Variants in PLCH1 observed in about 807,000 individuals in gnomAD.
PLCH1 encodes the protein phospholipase C eta 1, also known as 1-phosphatidylinositol 4,5-bisphosphate phosphodiesterase eta-1.
Under a neutral mutation model 126.7 loss-of-function variants are expected in PLCH1, and 60 were observed. That is an observed-to-expected ratio of 0.47 (90% CI 0.38 to 0.59). PLCH1 has a LOEUF of 0.59. Among genes scored for constraint, PLCH1 ranks in the 20% least tolerant of loss-of-function variants. The pLI is 0.00. For missense variants in PLCH1, 1,723 were observed against 2,040.0 expected (o/e 0.84, Z 2.99); for synonymous variants, 719 against 734.9 (o/e 0.98, Z 0.35).
intron 1 of PLCH1, among the ~76,000 whole-genome samples, chr3:155,710,834 C>CAAA (rs35396005): frequency 1.9e-5 from 2 of 104,420 alleles, no homozygotes; most frequent in Non-Finnish European, 4.2e-5. Context: ...AACTCTGTCT[C>CAAA]AAAAAAAAAA....
intron 6 of PLCH1, among the ~76,000 whole-genome samples, chr3:155,571,053 T>A (rs145812299): frequency 1.5e-3 from 225 of 152,296 alleles, no homozygotes; most frequent in African/African-American, 5.2e-3. Flanking sequence ...AAACTAGTCA[T>A]AGATCTATAA....
intron 2 of PLCH1, among the ~76,000 whole-genome samples, chr3:155,688,789 C>G (rs1745150166): frequency 6.6e-6 from 1 of 152,172 alleles, no homozygotes; most frequent in African/African-American, 2.4e-5. Flanking sequence ...TAGCGGGTGG[C>G]CACAGAGAAA....
At chr3:155,476,675 G>C (rs147587918), downstream of PLCH1, among the ~76,000 whole-genome samples, 600 of 151,780 alleles carry the variant, frequency 4.0e-3, 6 homozygotes, top group Middle Eastern at 0.017. Context: ...AAAAATTAAA[G>C]TAATCCTATT....
At chr3:155,530,436 C>G (rs1722520220) in intron 10 of PLCH1, among the ~76,000 whole-genome samples, 1 of 151,858 alleles carries the variant, frequency 6.6e-6, no homozygotes, top group Non-Finnish European at 1.5e-5. Flanking sequence ...CCTGCCTCAG[C>G]CTCCTGAGTA....
rs902341279 is a variant in PLCH1, at chr3:155,470,047, T to C, written c.2938+15309A>G. Among the ~76,000 whole-genome samples the C allele has an allele frequency of 2.1e-3, 313 of 152,196 alleles. 3 individuals are homozygous for C. The highest frequency in any genetic ancestry group is 2.0e-3 in the Non-Finnish European group (137 of 68,018). ...TCCTCCTCCAAAGGAACGCAGTTCC[T>C]CACCAGCAACGGAACAAAGCTGGAT... On this transcript the variant is annotated intron_variant, in intron 21 of 21. Transcript: ENST00000494598.
chr3:155,663,689 T>G (rs1742427234), intron 2 of PLCH1, among the ~76,000 whole-genome samples: 1 of 152,184 alleles, frequency 6.6e-6, no homozygotes, highest in Non-Finnish European at 1.5e-5. Flanking sequence ...TTGCACACAG[T>G]ATAATGCAAG....
intron 10 of PLCH1, among the ~76,000 whole-genome samples, chr3:155,524,339 A>G (rs1721621052): frequency 6.6e-6 from 1 of 152,214 alleles, no homozygotes; most frequent in Non-Finnish European, 1.5e-5. Flanking sequence ...GAATGGGTAT[A>G]GAGTTTCAGT....
intron 2 of PLCH1, among the ~76,000 whole-genome samples, chr3:155,676,709 GT>G (rs971029923): frequency 6.6e-6 from 1 of 152,074 alleles, no homozygotes; most frequent in Non-Finnish European, 1.5e-5. Context: ...GGTTTTCCTT[GT>G]TTTTTTGTCC....
intron 4 of PLCH1, among the ~76,000 whole-genome samples, chr3:155,592,771 C>T (rs1325369863): frequency 1.3e-5 from 2 of 152,122 alleles, no homozygotes; most frequent in African/African-American, 2.4e-5. Context: ...GTTTCTGATA[C>T]TTGTACCAGA....
chr3:155,521,540 G>C (rs1014244120), intron 11 of PLCH1, among the ~76,000 whole-genome samples: 1 of 152,104 alleles, frequency 6.6e-6, no homozygotes, highest in Non-Finnish European at 1.5e-5. Flanking sequence ...TTAAAACTGA[G>C]GTTAAGAGCT....
chr3:155,575,898 G>A (rs1729878412), intron 6 of PLCH1, among the ~76,000 whole-genome samples: 1 of 152,152 alleles, frequency 6.6e-6, no homozygotes, highest in South Asian at 2.1e-4. Flanking sequence ...TGATCCTCCT[G>A]CCTGCCCCCG....
chr3:155,465,246 AAGG>A (rs1712883396), intron 21 of PLCH1, among the ~76,000 whole-genome samples: 1 of 152,172 alleles, frequency 6.6e-6, no homozygotes, highest in Non-Finnish European at 1.5e-5. Context: ...TGTAAATATA[AAGG>A]AGAAGGAAGA....
intron 1 of PLCH1, among the ~76,000 whole-genome samples, chr3:155,741,200 A>G (rs527585555): frequency 6.6e-6 from 1 of 152,310 alleles, no homozygotes; most frequent in East Asian, 1.9e-4. Flanking sequence ...TGTCAAAGAG[A>G]TGTGAGTGAG....
chr3:155,725,023 C>T (rs2109150259), intron 1 of PLCH1, among the ~76,000 whole-genome samples: 1 of 152,150 alleles, frequency 6.6e-6, no homozygotes, highest in Non-Finnish European at 1.5e-5. Flanking sequence ...TGTATCTTTC[C>T]TTCATTTATG....
chr3:155,654,655 T>A (rs889962743), intron 2 of PLCH1, among the ~76,000 whole-genome samples: 3 of 152,144 alleles, frequency 2.0e-5, no homozygotes, highest in Non-Finnish European at 4.4e-5. Flanking sequence ...TCTCAAAACA[T>A]ATTCTAAGTC....
At position 155,485,708 on chromosome 3, in the gene PLCH1, G is replaced by T; in HGVS notation, c.2622C>A (p.Asn874Lys). The change falls in exon 22 of 23, where the codon AAC (asparagine) becomes AAA (lysine). Residue 874 changes from asparagine (N) to lysine (K), a missense_variant and splice_region_variant. Physicochemically the swap from Asn to Lys is moderately conservative, Grantham distance 94. Transcript: ENST00000460012. Reference protein sequence around the residue: ...HITINEIYGKNRQLQGLKGLF... With the variant: ...HITINEIYGKKRQLQGLKGLF... Reference sequence around the variant, plus strand: ...GTCCCTTCAGACCCTGGAGTTGTCTGTTCTGAAGACACAAAAGAACCAACC... The same window carrying T: ...GTCCCTTCAGACCCTGGAGTTGTCTTTTCTGAAGACACAAAAGAACCAACC... 3.8e-6 allele frequency: 6 copies of T among 1,576,626 alleles called. No homozygotes were observed. The highest frequency in any genetic ancestry group is 5.2e-6 in the Non-Finnish European group (6 of 1,162,862).
At chr3:155,491,010 A>G in intron 18 of PLCH1, 142 bp from the exon 19 acceptor site, 1 of 577,656 alleles carries the variant, frequency 1.7e-6, no homozygotes, top group South Asian at 2.3e-5. Context: ...AAATGGTACT[A>G]GGTGTGGTGG....
chr3:155,526,486 TCATACA>T (rs1721961457), intron 10 of PLCH1, among the ~76,000 whole-genome samples: 1 of 86,900 alleles, frequency 1.2e-5, no homozygotes, highest in African/African-American at 4.3e-5. Context: ...TCTCTCTCTC[TCATACA>T]CACACACACA....
chr3:155,510,732 G>A (rs1486620192), intron 12 of PLCH1, among the ~76,000 whole-genome samples: 2 of 106,006 alleles, frequency 1.9e-5, no homozygotes, highest in Admixed American at 9.4e-5. Context: ...TCCGCTGTTA[G>A]TCTGATGGGC....
Sources: gnomAD v4.1 joint callset for allele counts (sites outside exome capture counted in the v4.1 genomes callset) on GRCh38, gnomAD v4.1.1 for gene constraint, MANE v1.5 for transcripts, NCBI Gene and HGNC (gene_info 2026-07-23, HGNC 2026-07-21) for gene names.